Variants in STK39 observed in about 807,000 individuals in gnomAD.
STK39 encodes serine/threonine kinase 39.
STK39 carries 20 observed loss-of-function variants against 77.8 expected under a neutral mutation model. The observed-to-expected ratio is 0.26, with a 90% CI of 0.18 to 0.37. The LOEUF is 0.37. STK39 is among the 10% of genes least tolerant of loss of function. STK39 has a pLI of 1.00. For synonymous variants in STK39, 246 were observed against 234.1 expected (o/e 1.05, Z -0.47); for missense variants, 479 against 656.5 (o/e 0.73, Z 2.95).
intron 14 of STK39, among the ~76,000 whole-genome samples, chr2:168,042,113 T>C (rs562312217): frequency 2.7e-4 from 41 of 152,356 alleles, no homozygotes; most frequent in Admixed American, 5.2e-4. Flanking sequence ...TTCTCAGTGA[T>C]TGTAATTATA....
intron 1 of STK39, among the ~76,000 whole-genome samples, chr2:168,203,892 C>A (rs1480131747): frequency 6.6e-6 from 1 of 152,200 alleles, no homozygotes; most frequent in Non-Finnish European, 1.5e-5. Context: ...CCGCACCCAG[C>A]CAGAGCTGAG....
rs190565956 is a variant in STK39 at position 168,005,061 on chromosome 2, A to G, written c.1498+7573T>C. Among the ~76,000 whole-genome samples the G allele has an allele frequency of 5.0e-4, 66 of 132,662 alleles. No homozygotes were observed. In the East Asian group the frequency reaches 8.3e-3, roughly 17 times the overall value. 87.0% of individuals were successfully genotyped at this position (132,662 alleles called of 152,430 possible). ...CGCTCTGTCGCCCAGGCTGGAGTGC[A>G]GCGGCGCGATCTCAGCTCACTGCAA... On this transcript the variant is annotated intron_variant, in intron 16 of 17. Transcript: ENST00000355999.
chr2:168,156,774 C>G (rs991589934), intron 5 of STK39, among the ~76,000 whole-genome samples: 2 of 152,178 alleles, frequency 1.3e-5, no homozygotes, highest in Non-Finnish European at 1.5e-5. Context: ...GGTGTCAGAG[C>G]CCATGCTCTG....
chr2:167,971,224 G>A (rs949951082), intron 16 of STK39, among the ~76,000 whole-genome samples: 89 of 152,230 alleles, frequency 5.8e-4, no homozygotes, highest in African/African-American at 2.1e-3. Context: ...GTTTCTTTGA[G>A]CAAATTTCTG....
At chr2:167,965,036 C>T (rs544986546) in intron 16 of STK39, among the ~76,000 whole-genome samples, 17 of 151,956 alleles carry the variant, frequency 1.1e-4, no homozygotes, top group Non-Finnish European at 2.4e-4. Context: ...CCAGTGTTTC[C>T]GCCACTTGGC....
At chr2:168,199,934 C>T (rs1424331401) in intron 1 of STK39, among the ~76,000 whole-genome samples, 1 of 152,164 alleles carries the variant, frequency 6.6e-6, no homozygotes, top group Non-Finnish European at 1.5e-5. Context: ...TCAAATATTG[C>T]TTGAAATAAT....
intron 16 of STK39, among the ~76,000 whole-genome samples, chr2:167,994,580 G>A (rs1014761441): frequency 4.6e-5 from 7 of 152,132 alleles, no homozygotes; most frequent in Non-Finnish European, 7.3e-5. Flanking sequence ...TGTGTACCCA[G>A]TAAGCAGTCA....
rs575107754 is a variant in STK39, at chr2:167,957,192, T to C, written c.1564-1622A>G. On this transcript the variant is annotated intron_variant, in intron 17 of 17. Coordinates refer to ENST00000355999, the MANE Select transcript of STK39 (RefSeq NM_013233.3). ...TAACATCCTATGTAAGTAGTTATGC[T>C]TATGTAAAAAAGTCACTAGCCTAAA... Among the ~76,000 whole-genome samples, 29 of 152,310 alleles carry C rather than the reference T, an allele frequency of 1.9e-4. No homozygotes were observed. In the East Asian group the frequency reaches 4.6e-3, roughly 24 times the overall value.
At chr2:168,021,284 C>G (rs1448831) in intron 14 of STK39, among the ~76,000 whole-genome samples, 1 of 152,034 alleles carries the variant, frequency 6.6e-6, no homozygotes, top group Non-Finnish European at 1.5e-5. Flanking sequence ...GCCTATATCA[C>G]CTGTGGTTCA....
At chr2:168,213,439 C>T (rs569505330) in intron 1 of STK39, among the ~76,000 whole-genome samples, 25 of 152,136 alleles carry the variant, frequency 1.6e-4, no homozygotes, top group East Asian at 3.9e-4. Flanking sequence ...TTTATGATAT[C>T]GTCCTTTCTC....
intron 10 of STK39, among the ~76,000 whole-genome samples, chr2:168,093,334 G>A (rs1686575806): frequency 6.6e-6 from 1 of 152,196 alleles, no homozygotes; most frequent in East Asian, 1.9e-4. Context: ...AGTTTCACAT[G>A]GCTAGGGAGG....
chr2:168,247,061 T>TTAAAAAAAAAA (rs1213358903), intron 1 of STK39, among the ~76,000 whole-genome samples, 167 bp downstream of exon 1: 1 of 89,304 alleles, frequency 1.1e-5, no homozygotes, highest in African/African-American at 4.6e-5. Flanking sequence ...CATTAAAAAT[T>TTAAAAAAAAAA]AAAAAAAAAA....
intron 1 of STK39, chr2:168,232,132 C>T (rs902554901): frequency 7.0e-5 from 17 of 243,674 alleles, no homozygotes; most frequent in African/African-American, 2.5e-4. Flanking sequence ...AGTGCAGGGA[C>T]GCACACAGGA....
Position 168,247,506 on chromosome 2 carries a change from C to T in STK39, c.-71G>A. The T allele has an allele frequency of 8.6e-7, 1 of 1,166,654 alleles. No homozygotes were observed. The highest frequency in any genetic ancestry group is 1.1e-6 in the Non-Finnish European group (1 of 932,786). The allele number at this position is 1,166,654 out of a possible 1,614,324, so 72.3% of individuals were successfully genotyped here. ...CTTCCACTTGAAACTTCCTTTGCCT[C>T]GCCGCCGACACCTCTCGGCCGGCGC... is the stretch of plus-strand genomic sequence containing the variant. On this transcript the variant is annotated 5_prime_UTR_variant, in exon 1 of 18. Coordinates refer to ENST00000355999, the MANE Select transcript of STK39 (RefSeq NM_013233.3).
At chr2:168,147,895 A>G (rs1262421815) in intron 5 of STK39, among the ~76,000 whole-genome samples, 1 of 152,246 alleles carries the variant, frequency 6.6e-6, no homozygotes, top group Admixed American at 6.5e-5. Context: ...TTTAGCAGTT[A>G]GCAGTTACAG....
Position 168,044,714 on chromosome 2 carries a change from A to G in STK39, c.1376+18786T>C, listed in dbSNP as rs565933838. Reference sequence around the variant, plus strand: ...AGGCAAACCCAAGGGAACCAGTGACAGCTTTTTGGGAAGGTGAGCGAAGAC... The same window carrying G: ...AGGCAAACCCAAGGGAACCAGTGACGGCTTTTTGGGAAGGTGAGCGAAGAC... On this transcript the variant is annotated intron_variant, in intron 14 of 17. Coordinates refer to ENST00000355999, the MANE Select transcript of STK39 (RefSeq NM_013233.3). Among the ~76,000 whole-genome samples, 5 of 152,350 alleles carry G rather than the reference A, an allele frequency of 3.3e-5. No individual in the cohort carries two copies. The East Asian group carries it at 9.6e-4, about 29-fold the overall frequency.
intron 10 of STK39, among the ~76,000 whole-genome samples, chr2:168,096,618 C>G (rs1686674019): frequency 6.6e-6 from 1 of 152,168 alleles, no homozygotes. Context: ...CTGCTGTGGA[C>G]CTACCTATTT....
chr2:167,995,971 A>G (rs908282753), intron 16 of STK39, among the ~76,000 whole-genome samples: 2 of 152,114 alleles, frequency 1.3e-5, no homozygotes, highest in African/African-American at 4.8e-5. Context: ...CTCTGCTGTC[A>G]CCGTATTGAA....
intron 16 of STK39, among the ~76,000 whole-genome samples, chr2:167,968,149 C>T (rs955813950): frequency 6.6e-6 from 1 of 152,172 alleles, no homozygotes; most frequent in South Asian, 2.1e-4. Context: ...TGTGGTTTTC[C>T]GTGCTGTATA....
Sources: gnomAD v4.1 joint callset for allele counts (sites outside exome capture counted in the v4.1 genomes callset) on GRCh38, gnomAD v4.1.1 for gene constraint, MANE v1.5 for transcripts, NCBI Gene and HGNC (gene_info 2026-07-23, HGNC 2026-07-21) for gene names.